The following CEP85L variants were observed in gnomAD, a reference collection of about 807,000 sequenced individuals.
The protein encoded by CEP85L is centrosomal protein of 85 kDa-like.
Under a neutral mutation model 100.3 loss-of-function variants are expected in CEP85L, and 60 were observed. That is an observed-to-expected ratio of 0.60 (90% CI 0.49 to 0.74). The LOEUF (loss-of-function observed/expected upper bound fraction) is 0.74, where lower values mean the gene tolerates loss of function less well. Among genes scored for constraint, CEP85L ranks in the 30% least tolerant of loss-of-function variants. CEP85L has a pLI of 0.00. For synonymous variants in CEP85L, 319 were observed against 322.7 expected (o/e 0.99, Z 0.12); for missense variants, 973 against 936.2 (o/e 1.04, Z -0.51).
intron 2 of CEP85L, among the ~76,000 whole-genome samples, chr6:118,592,329 C>G (rs73766571): frequency 0.021 from 2,554 of 121,670 alleles, 80 homozygotes; most frequent in African/African-American, 0.071. Context: ...TCCTCTAGGT[C>G]TTTTTTTTTT....
chr6:118,609,968 T>A (rs1009521991), intron 2 of CEP85L, among the ~76,000 whole-genome samples: 1 of 151,946 alleles, frequency 6.6e-6, no homozygotes, highest in African/African-American at 2.4e-5. Flanking sequence ...CAGGAAACAT[T>A]TCTAGGGAAA....
intron 5 of CEP85L, among the ~76,000 whole-genome samples, chr6:118,504,080 G>T (rs768488320): frequency 6.6e-6 from 1 of 152,072 alleles, no homozygotes; most frequent in Non-Finnish European, 1.5e-5. Flanking sequence ...TATCCAAAAT[G>T]TACAAATAAT....
chr6:118,633,503 T>C (rs1239752198), intron 1 of CEP85L, among the ~76,000 whole-genome samples: 1 of 152,178 alleles, frequency 6.6e-6, no homozygotes, highest in East Asian at 1.9e-4. Flanking sequence ...CGCGCCCAGC[T>C]AGATTTGTCC....
chr6:118,618,911 C>T (rs941194152), intron 2 of CEP85L, among the ~76,000 whole-genome samples: 9 of 152,154 alleles, frequency 5.9e-5, no homozygotes, highest in African/African-American at 1.4e-4. Context: ...ACAGATAGGA[C>T]GCGTTGGCAA....
chr6:118,520,689 T>A (rs998194143), intron 4 of CEP85L, among the ~76,000 whole-genome samples: 1 of 152,150 alleles, frequency 6.6e-6, no homozygotes, highest in Non-Finnish European at 1.5e-5. Flanking sequence ...ATTCGCTACT[T>A]CCCCCAGCCT....
At chr6:118,623,841 A>G (rs1389224346) in intron 2 of CEP85L, among the ~76,000 whole-genome samples, 2 of 152,348 alleles carry the variant, frequency 1.3e-5, no homozygotes, top group Admixed American at 1.3e-4. Flanking sequence ...ACAGGAGAAA[A>G]GGGATAGAGC....
At chr6:118,540,539 G>A (rs1158478007) in intron 3 of CEP85L, among the ~76,000 whole-genome samples, 2 of 151,970 alleles carry the variant, frequency 1.3e-5, no homozygotes, top group Non-Finnish European at 2.9e-5. Context: ...GGCACATCAC[G>A]AGGTCAAGAG....
rs533320284 is a variant in CEP85L at position 118,465,985 on chromosome 6, A to G, written c.2255-417T>C. On this transcript the variant is annotated intron_variant, in intron 12 of 12. Transcript: ENST00000368491. ...GCAAAGTGGGTTTACTGCCATGAAA[A>G]TATTAATTTTCAAATACATAGTAAG... Among the ~76,000 whole-genome samples, 55 of 152,260 alleles carry G rather than the reference A, an allele frequency of 3.6e-4. No homozygotes were observed. The Middle Eastern group carries it at 0.01, about 28-fold the overall frequency.
chr6:118,603,352 G>A (rs1278926698), intron 2 of CEP85L, among the ~76,000 whole-genome samples: 4 of 152,182 alleles, frequency 2.6e-5, no homozygotes, highest in Non-Finnish European at 5.9e-5. Flanking sequence ...TGTAAGTCAA[G>A]TTTAATTTCT....
chr6:118,627,690 C>T (rs753597132), intron 2 of CEP85L, among the ~76,000 whole-genome samples: 18 of 152,160 alleles, frequency 1.2e-4, no homozygotes, highest in Non-Finnish European at 2.5e-4. Flanking sequence ...ACCTGGTTCT[C>T]ACAGTAAGTA....
At chr6:118,664,339 C>A (rs9401081) in intron 1 of CEP85L, 32,787 of 152,070 alleles carry the variant, frequency 0.22, 4,639 homozygotes, top group East Asian at 0.6. Context: ...AATAGTGAGA[C>A]AGATATGAAA....
chr6:118,658,658 C>T (rs556482410), intron 1 of CEP85L, among the ~76,000 whole-genome samples: 68 of 151,736 alleles, frequency 4.5e-4, no homozygotes, highest in South Asian at 8.3e-4. Context: ...ACAATAATTA[C>T]GAAATTATGA....
At chr6:118,538,035 AGAAG>A (rs1777696435) in intron 3 of CEP85L, 3 of 590,838 alleles carry the variant, frequency 5.1e-6, no homozygotes, top group Non-Finnish European at 6.4e-6. Flanking sequence ...ATTCACCAAG[AGAAG>A]GAAAATATGA....
chr6:118,531,915 T>C lies in CEP85L; in HGVS notation c.1021-7995A>G, dbSNP rs190187110. The stretch of plus-strand genomic sequence containing the variant: ...CTTATACAGTGTTGGCAGGATAAAT[T>C]AGTTCAGCTACTGTGAAAAGCAATT... On this transcript the variant is annotated intron_variant, in intron 3 of 12. Transcript: ENST00000368491. Among the ~76,000 whole-genome samples, 433 of 152,186 alleles carry C rather than the reference T, an allele frequency of 2.8e-3. 2 individuals are homozygous for C. The highest frequency in any genetic ancestry group is 6.7e-3 in the Admixed American group (102 of 15,282).
chr6:118,574,628 T>G (rs1300723556), intron 2 of CEP85L, among the ~76,000 whole-genome samples: 1 of 151,994 alleles, frequency 6.6e-6, no homozygotes, highest in African/African-American at 2.4e-5. Context: ...ACCCACCCAG[T>G]GTGAAGAATA....
chr6:118,674,934 A>T (rs936987960), intron 1 of CEP85L, among the ~76,000 whole-genome samples: 1 of 152,252 alleles, frequency 6.6e-6, no homozygotes, highest in African/African-American at 2.4e-5. Context: ...CAGACTTACC[A>T]TATGACTTAG....
At chr6:118,603,715 G>C (rs1236988243) in intron 2 of CEP85L, among the ~76,000 whole-genome samples, 1 of 152,208 alleles carries the variant, frequency 6.6e-6, no homozygotes, top group African/African-American at 2.4e-5. Context: ...GGATAGTTAT[G>C]AACATTTTAG....
intron 1 of CEP85L, among the ~76,000 whole-genome samples, chr6:118,667,732 C>T (rs1414931001): frequency 1.3e-5 from 2 of 152,084 alleles, no homozygotes; most frequent in African/African-American, 4.8e-5. Context: ...AGAGATAAAT[C>T]GTAAACCTAG....
At chr6:118,680,055 G>A (rs73530858) in intron 1 of CEP85L, among the ~76,000 whole-genome samples, 34 of 151,476 alleles carry the variant, frequency 2.2e-4, no homozygotes, top group African/African-American at 7.5e-4. Context: ...GGAGGCCAAC[G>A]CAGGAGAATC....
Sources: gnomAD v4.1 joint callset for allele counts (sites outside exome capture counted in the v4.1 genomes callset) on GRCh38, gnomAD v4.1.1 for gene constraint, MANE v1.5 for transcripts, NCBI Gene and HGNC (gene_info 2026-07-23, HGNC 2026-07-21) for gene names.